PIGR: variants seen among roughly 807,000 people sequenced by gnomAD.
The protein encoded by PIGR is hepatocellular carcinoma associated protein TB6.
A neutral mutation model predicts 69.5 loss-of-function variants in PIGR; 22 were observed. The ratio of observed to expected loss-of-function variants is 0.32; its 90% CI spans 0.23 to 0.45. PIGR has a LOEUF of 0.45. Ranked by LOEUF, PIGR falls within the 20% of genes least tolerant of loss-of-function variation. The pLI is 1.00. For missense variants in PIGR, 885 were observed against 974.0 expected, an observed-to-expected ratio of 0.91 and a Z score of 1.22; for synonymous variants, 413 against 407.6, an observed-to-expected ratio of 1.01 and a Z score of -0.16.
At chr1:206,932,890 A>G in intron 7 of PIGR, 96 bp downstream of exon 7, 1 of 1,272,134 alleles carries the variant, frequency 7.9e-7, no homozygotes, top group Non-Finnish European at 1.1e-6. Context: ...AGTGCTCAAG[A>G]GACAGATGGG....
chr1:206,944,057 A>G (rs1383547251), intron 1 of PIGR, among the ~76,000 whole-genome samples: 1 of 152,212 alleles, frequency 6.6e-6, no homozygotes. Context: ...GCTTTACCTC[A>G]GAGGGTCTTC....
intron 1 of PIGR, among the ~76,000 whole-genome samples, chr1:206,943,026 C>T (rs1335037621): frequency 6.6e-6 from 1 of 152,208 alleles, no homozygotes; most frequent in Non-Finnish European, 1.5e-5. Flanking sequence ...TTACAGACCC[C>T]TTCCTCTCAA....
chr1:206,930,632 C>T lies in PIGR; in HGVS notation c.2200-219G>A. ...TCTAAAAATATCTTCTTCTGTCTCA[C>T]TACCTCCTTCTGACACACGGAGTGG... is the stretch of plus-strand genomic sequence containing the variant. On this transcript the variant is annotated intron_variant, in intron 10 of 10. Coordinates refer to ENST00000356495, the MANE Select transcript of PIGR (RefSeq NM_002644.4). The surrounding 1 kb of genome is among the most constrained non-coding windows in gnomAD (Gnocchi z 4.3). 6 of 985,436 alleles carry T rather than the reference C, an allele frequency of 6.1e-6. No individual in the cohort carries two copies. Among genetic ancestry groups the T allele is most frequent in the Non-Finnish European group, 7.2e-6 (6 of 829,928 alleles). 61.0% of individuals were successfully genotyped at this position (985,436 alleles called of 1,614,324 possible).
chr1:206,939,044 T>A, intron 3 of PIGR, 75 bp downstream of exon 3: 1 of 1,303,812 alleles, frequency 7.7e-7, no homozygotes, highest in Admixed American at 2.1e-5. Context: ...AGGAAGTTCC[T>A]CCTCAAGCCC....
Position 206,937,184 on chromosome 1 carries a change from T to C in PIGR, c.956A>G (p.Asp319Gly). The C allele has an allele frequency of 6.2e-7, 1 of 1,614,166 alleles. No individual in the cohort carries two copies. Among genetic ancestry groups the C allele is most frequent in the Non-Finnish European group, 8.5e-7 (1 of 1,180,012 alleles). ...GGCTCCACACAGGTAGCGCCCTGCA[T>C]CCTCCTTCCTCAGGCCTGTGATCAC... ...SVVITGLRKE[D>G]AGRYLCGAHS... The change falls in exon 4 of 11, where the codon GAT becomes GGT. Residue 319 changes from aspartate to glycine, a missense_variant. Asp to Gly is a moderately conservative substitution (Grantham distance 94, BLOSUM62 -1). Transcript: ENST00000356495.
At chr1:206,931,582 C>A in intron 9 of PIGR, 27 bp from the exon 10 acceptor site, 2 of 1,613,416 alleles carry the variant, frequency 1.2e-6, no homozygotes, top group Non-Finnish European at 1.7e-6. Flanking sequence ...GGTAGGTTAG[C>A]CCTTACTAGC....
At position 206,939,162 on chromosome 1, in the gene PIGR, A is replaced by G. The variant is rs145093694; in HGVS notation, c.345T>C (p.Asn115=). 29 of 1,613,672 alleles carry G rather than the reference A, an allele frequency of 1.8e-5. No homozygotes were observed. In the African/African-American group the frequency reaches 2.5e-4, roughly 14 times the overall value. The change falls in exon 3 of 11, where the codon AAT becomes AAC. Residue 115 remains asparagine, a synonymous_variant. Coordinates refer to ENST00000356495, the MANE Select transcript of PIGR (RefSeq NM_002644.4). ...SGRYKCGLGI[N]SRGLSFDVSL... is the part of the protein sequence containing the mutation. ...TGACATCAAAGGACAGGCCTCGGCT[A>G]TTGATGCCCAGGCCACACTTGTAGC...
At position 206,930,463 on chromosome 1, in the gene PIGR, G is replaced by A. The variant is rs1309170581; in HGVS notation, c.2200-50C>T. The A allele has an allele frequency of 1.3e-6, 2 of 1,582,956 alleles. No homozygotes were observed. The highest frequency in any genetic ancestry group is 2.7e-5 in the African/African-American group (2 of 74,076). On this transcript the variant is annotated intron_variant, in intron 10 of 10. Transcript: ENST00000356495. This position sits in a 1 kb window ranked among gnomAD's most constrained non-coding sequence, Gnocchi z 4.3. ...AGTGTTGGGGGCACTGGCTCAGTGG[G>A]TGGAGTCAGGGGAGGGGAGGTGCTT...
At position 206,940,616 on chromosome 1, in the gene PIGR, G is replaced by A. The variant is rs114085222; in HGVS notation, c.-53-32C>T. The A allele has an allele frequency of 8.4e-4, 1,122 of 1,329,742 alleles. 13 individuals carry two copies. The highest frequency in any genetic ancestry group is 5.9e-3 in the Middle Eastern group (32 of 5,390). The allele number at this position is 1,329,742 out of a possible 1,614,324, so 82.4% of individuals were successfully genotyped here. ...AACAATAATCACAAGGAGATGAAGC[G>A]CCCCTTGTCTTCCAAGACTAGTTGA... On this transcript the variant is annotated intron_variant, in intron 1 of 10. Coordinates refer to ENST00000356495, the MANE Select transcript of PIGR (RefSeq NM_002644.4).
rs1277368586 is a variant in PIGR, at chr1:206,929,852, AC to A, written c.*465del. ...TACCTGTCACAGCATCTAGCAAAGC[AC>A]CTGAATTCTAGTATGAATTCAAATA... On this transcript the variant is annotated 3_prime_UTR_variant, in exon 11 of 11. Coordinates refer to ENST00000356495, the MANE Select transcript of PIGR (RefSeq NM_002644.4). 1 of 153,970 alleles carries A rather than the reference AC, an allele frequency of 6.5e-6. No homozygotes were observed. Among genetic ancestry groups the A allele is most frequent in the Non-Finnish European group, 1.4e-5 (1 of 69,318 alleles). The allele number at this position is 153,970 out of a possible 1,614,324, so 9.5% of individuals were successfully genotyped here.
At position 206,937,225 on chromosome 1, in the gene PIGR, ATCCTTG is replaced by A. The variant is rs1558013889; in HGVS notation, c.909_914del (p.Lys304_Asp305del). 6.2e-7 allele frequency: 1 copy of A among 1,614,170 alleles called. No individual in the cohort carries two copies. Among genetic ancestry groups the A allele is most frequent in the South Asian group, 1.1e-5 (1 of 91,082 alleles). ...CTGTGATCACCACACTGAATGAGCC[ATCCTTG>A]TCCTGGGGGTTGAGCAGGATCCTGC... On this transcript the variant is annotated inframe_deletion, in exon 4 of 11. Coordinates refer to ENST00000356495, the MANE Select transcript of PIGR (RefSeq NM_002644.4).
chr1:206,933,473 C>G (rs1165322220), intron 6 of PIGR, among the ~76,000 whole-genome samples: 1 of 152,196 alleles, frequency 6.6e-6, no homozygotes, highest in Non-Finnish European at 1.5e-5. Context: ...CTCTGAGACG[C>G]TGCCCCAGGC....
chr1:206,941,509 C>A (rs765234801), intron 1 of PIGR, among the ~76,000 whole-genome samples: 6 of 152,218 alleles, frequency 3.9e-5, no homozygotes, highest in Non-Finnish European at 8.8e-5. Flanking sequence ...TAATCACAAC[C>A]ATTTTATGGA....
rs370086580 is a variant in PIGR at position 206,934,724 on chromosome 1, T to A, written c.1401A>T (p.Pro467=). Residue 467 remains proline (P), a synonymous_variant, in exon 6 of 11, where the codon CCA becomes CCT. Coordinates refer to ENST00000356495, the MANE Select transcript of PIGR (RefSeq NM_002644.4). ...CTCCCAGCACAGCCGTGACATTCCC[T>A]GGTACCTTGAGGTTTGGTTCTCCTG... ...IIEGEPNLKV[P]GNVTAVLGET... is the part of the protein sequence containing the mutation. 6.2e-6 allele frequency: 10 copies of A among 1,607,982 alleles called. No individual in the cohort carries two copies. Among genetic ancestry groups the A allele is most frequent in the Non-Finnish European group, 8.5e-6 (10 of 1,179,626 alleles).
In PIGR at chr1:206,930,375, G is replaced by A. The variant is rs895097059; in HGVS notation, c.2238C>T (p.Phe746=). The A allele has an allele frequency of 9.9e-6, 16 of 1,613,158 alleles. No homozygotes were observed. The highest frequency in any genetic ancestry group is 1.2e-5 in the Non-Finnish European group (14 of 1,179,532). The change falls in exon 11 of 11, where the codon TTC becomes TTT. Residue 746 remains phenylalanine (F), a synonymous_variant. Coordinates refer to ENST00000356495, the MANE Select transcript of PIGR (RefSeq NM_002644.4). The surrounding 1 kb of genome is among the most constrained non-coding windows in gnomAD (Gnocchi z 4.3). ...KEEAEMAYKD[F]LLQSSTVAAE... ...CGGCCACGGTGCTGGACTGGAGCAG[G>A]AAGTCTTTGTAGGCCATCTCGGCTT...
chr1:206,941,735 G>C (rs942914729), intron 1 of PIGR, among the ~76,000 whole-genome samples: 2 of 152,250 alleles, frequency 1.3e-5, no homozygotes, highest in Non-Finnish European at 2.9e-5. Flanking sequence ...GGGCTGAGGA[G>C]AGTTGAGGGT....
Position 206,939,266 on chromosome 1 carries a change from T to C in PIGR, c.241A>G (p.Arg81Gly). ...EGYVSSKYAG[R>G]ANLTNFPENG... ...TCCGGGAAGTTGGTGAGGTTAGCCC[T>C]GCCTGCATATTTGCTGGAGACGTAG... Residue 81 changes from arginine to glycine, a missense_variant, in exon 3 of 11, where the codon AGG becomes GGG. Coordinates refer to ENST00000356495, the MANE Select transcript of PIGR (RefSeq NM_002644.4). The C allele has an allele frequency of 2.5e-6, 4 of 1,614,204 alleles. No homozygotes were observed. Among genetic ancestry groups the C allele is most frequent in the Non-Finnish European group, 3.4e-6 (4 of 1,180,038 alleles).
rs377552062 is a variant in PIGR at position 206,932,487 on chromosome 1, C to A, written c.1977G>T (p.Gly659=). 31 of 1,612,982 alleles carry A rather than the reference C, an allele frequency of 1.9e-5. No individual in the cohort carries two copies. The East Asian group carries it at 2.9e-4, about 15-fold the overall frequency. ...LVLAVGAVAV[G]VARARHRKNV... Reference sequence around the variant, plus strand: ...TCTTCCTGTGCCGGGCTCTGGCCACCCCCACAGCCACGGCTCCCACTGCCA... The same window carrying A: ...TCTTCCTGTGCCGGGCTCTGGCCACACCCACAGCCACGGCTCCCACTGCCA... The change falls in exon 8 of 11, where the codon GGG becomes GGT. Residue 659 remains glycine (G), a synonymous_variant. Coordinates refer to ENST00000356495, the MANE Select transcript of PIGR (RefSeq NM_002644.4).
rs1048353519 is a variant in PIGR, at chr1:206,940,571, TCTC to T, written c.-43_-41del. The T allele has an allele frequency of 1.3e-5, 20 of 1,535,890 alleles. No individual in the cohort carries two copies. In the African/African-American group the frequency reaches 1.7e-4, roughly 13 times the overall value. On this transcript the variant is annotated 5_prime_UTR_variant, in exon 2 of 11. Coordinates refer to ENST00000356495, the MANE Select transcript of PIGR (RefSeq NM_002644.4). ...GAGCGCCGCACCACTCAGGCCGACT[TCTC>T]CTGTGCAATGCTGAAAAACAATAAT...
Sources: gnomAD v4.1 joint callset for allele counts (sites outside exome capture counted in the v4.1 genomes callset) on GRCh38, gnomAD v4.1.1 for gene constraint, Gnocchi (gnomAD v3.1) non-coding constraint, MANE v1.5 for transcripts, NCBI Gene and HGNC (gene_info 2026-07-23, HGNC 2026-07-21) for gene names.